The following CNTN3 variants were observed in gnomAD, a reference collection of about 807,000 sequenced individuals.
The protein encoded by CNTN3 is contactin 3.
CNTN3 carries 60 observed loss-of-function variants against 119.1 expected under a neutral mutation model. The observed-to-expected ratio is 0.50, with a 90% CI of 0.41 to 0.62. CNTN3 has a LOEUF of 0.62. CNTN3 is among the 20% of genes least tolerant of loss of function. The pLI is 0.00. For missense variants in CNTN3, 1,101 were observed against 1,242.4 expected, an observed-to-expected ratio of 0.89 and a Z score of 1.71; for synonymous variants, 450 against 438.7, an observed-to-expected ratio of 1.03 and a Z score of -0.32.
At position 74,301,596 on chromosome 3, in the gene CNTN3, C is replaced by G. The variant is rs181763014; in HGVS notation, c.1946-49G>C. On this transcript the variant is annotated intron_variant, in intron 15 of 22. Coordinates refer to ENST00000263665, the MANE Select transcript of CNTN3 (RefSeq NM_020872.3). Reference sequence around the variant, plus strand: ...AAGAGTCTGCCTGCTTTAGCATTGACTTGAAATCCATTTATATGTGTGCAG... The same window carrying G: ...AAGAGTCTGCCTGCTTTAGCATTGAGTTGAAATCCATTTATATGTGTGCAG... The G allele has an allele frequency of 2.5e-6, 4 of 1,612,016 alleles. No homozygotes were observed. In the South Asian group the frequency reaches 4.4e-5, roughly 18 times the overall value.
At chr3:74,500,006 A>G (rs1299936862) in intron 2 of CNTN3, among the ~76,000 whole-genome samples, 1 of 152,068 alleles carries the variant, frequency 6.6e-6, no homozygotes, top group East Asian at 1.9e-4. Context: ...TATGAAAAAT[A>G]TTGCCATATT....
intron 1 of CNTN3, among the ~76,000 whole-genome samples, chr3:74,524,943 G>A (rs567841881): frequency 9.2e-5 from 14 of 151,964 alleles, no homozygotes; most frequent in Non-Finnish European, 1.5e-4. Flanking sequence ...TGAAATACAC[G>A]TGGCAAAGCT....
chr3:74,453,540 T>C (rs1048810952), intron 4 of CNTN3, among the ~76,000 whole-genome samples: 2 of 152,122 alleles, frequency 1.3e-5, no homozygotes, highest in Non-Finnish European at 2.9e-5. Flanking sequence ...ATCTTAGTTA[T>C]TTCTTGCCTT....
intron 1 of CNTN3, among the ~76,000 whole-genome samples, chr3:74,586,458 C>A (rs113528707): frequency 6.6e-6 from 1 of 151,974 alleles, no homozygotes; most frequent in East Asian, 1.9e-4. Flanking sequence ...GAATATAATA[C>A]GCAATTTAAG....
chr3:74,520,526 C>T (rs1304849495), intron 2 of CNTN3, among the ~76,000 whole-genome samples: 1 of 151,202 alleles, frequency 6.6e-6, no homozygotes, highest in African/African-American at 2.4e-5. Context: ...GTAATAGTTG[C>T]TTTTGTATGT....
chr3:74,276,225 A>G (rs915046428), intron 20 of CNTN3, among the ~76,000 whole-genome samples: 5 of 152,176 alleles, frequency 3.3e-5, no homozygotes, highest in African/African-American at 1.2e-4. Context: ...AGCACTAGAC[A>G]GTCATCAAGA....
chr3:74,563,795 T>A (rs769000079), intron 1 of CNTN3, among the ~76,000 whole-genome samples: 3 of 152,110 alleles, frequency 2.0e-5, no homozygotes, highest in Admixed American at 1.3e-4. Context: ...ACACTTCGTT[T>A]TCATGACAGT....
intron 1 of CNTN3, among the ~76,000 whole-genome samples, chr3:74,608,486 G>C (rs1705028974): frequency 6.6e-6 from 1 of 152,108 alleles, no homozygotes; most frequent in African/African-American, 2.4e-5. Context: ...ACTAAAATCA[G>C]CTCATTACTT....
chr3:74,522,241 T>C (rs1703553747), intron 1 of CNTN3, among the ~76,000 whole-genome samples: 1 of 151,944 alleles, frequency 6.6e-6, no homozygotes, highest in Admixed American at 6.6e-5. Context: ...TATTCTTAGG[T>C]GCCTGCAATC....
rs188095901 is a variant in CNTN3, at chr3:74,489,759, T to C, written c.183-3128A>G. Among the ~76,000 whole-genome samples the C allele has an allele frequency of 3.3e-3, 494 of 151,918 alleles. 18 individuals are homozygous for C. Among genetic ancestry groups the C allele is most frequent in the Admixed American group, 0.03 (458 of 15,230 alleles). On this transcript the variant is annotated intron_variant, in intron 3 of 22. Transcript: ENST00000263665. ...TCACCTGACACCCACTGCATGACCA[T>C]GGAAAATTACCTAACACCCCTGAAC...
At chr3:74,334,159 A>C (rs956221786) in intron 13 of CNTN3, among the ~76,000 whole-genome samples, 5 of 152,198 alleles carry the variant, frequency 3.3e-5, no homozygotes, top group African/African-American at 4.8e-5. Flanking sequence ...AAACATTAGA[A>C]AGCATTTGTG....
chr3:74,367,829 A>G (rs1704236064), intron 8 of CNTN3, among the ~76,000 whole-genome samples: 1 of 152,072 alleles, frequency 6.6e-6, no homozygotes, highest in East Asian at 1.9e-4. Flanking sequence ...CTAAAACATT[A>G]ATACAGTTGG....
chr3:74,588,602 C>T lies in CNTN3; in HGVS notation c.-81+25789G>A, dbSNP rs181605912. ...ACTTTCTTCACAGAATTGGAAAAAACTACTTTAACGTTCCTATGGAACCAA... is the reference window on the plus strand; with the variant it reads ...ACTTTCTTCACAGAATTGGAAAAAATTACTTTAACGTTCCTATGGAACCAA... On this transcript the variant is annotated intron_variant, in intron 1 of 22. Coordinates refer to ENST00000263665, the MANE Select transcript of CNTN3 (RefSeq NM_020872.3). Among the ~76,000 whole-genome samples, 942 of 152,140 alleles carry T rather than the reference C, an allele frequency of 6.2e-3. 18 individuals are homozygous for T. The South Asian group carries it at 0.069, about 11-fold the overall frequency.
intron 10 of CNTN3, among the ~76,000 whole-genome samples, chr3:74,363,672 T>C (rs1398731487): frequency 6.6e-6 from 1 of 152,156 alleles, no homozygotes; most frequent in East Asian, 1.9e-4. Flanking sequence ...TTTCTTCCAC[T>C]GGAATGACTG....
At chr3:74,315,028 G>A (rs577851799) in intron 13 of CNTN3, among the ~76,000 whole-genome samples, 1 of 152,300 alleles carries the variant, frequency 6.6e-6, no homozygotes, top group South Asian at 2.1e-4. Context: ...GAAGCCAGCT[G>A]AAACCTATCA....
intron 8 of CNTN3, among the ~76,000 whole-genome samples, chr3:74,368,554 G>C (rs905624167): frequency 4.0e-5 from 6 of 151,718 alleles, no homozygotes; most frequent in African/African-American, 1.4e-4. Flanking sequence ...TAAAATAAGA[G>C]GTTTGAAAAA....
At chr3:74,373,664 A>T (rs1450866004) in intron 5 of CNTN3, among the ~76,000 whole-genome samples, 1 of 152,226 alleles carries the variant, frequency 6.6e-6, no homozygotes, top group Non-Finnish European at 1.5e-5. Flanking sequence ...CACAAATATA[A>T]TTCTGATTGA....
chr3:74,471,837 T>G (rs1159427446), intron 4 of CNTN3, among the ~76,000 whole-genome samples: 2 of 152,230 alleles, frequency 1.3e-5, no homozygotes, highest in African/African-American at 4.8e-5. Flanking sequence ...TGTCCCAGTT[T>G]GTATGTATTT....
At chr3:74,326,799 T>A (rs1278359341) in intron 13 of CNTN3, among the ~76,000 whole-genome samples, 1 of 152,168 alleles carries the variant, frequency 6.6e-6, no homozygotes, top group Non-Finnish European at 1.5e-5. Flanking sequence ...TCACCTTTTA[T>A]TTGTTTCATA....
Sources: gnomAD v4.1 joint callset for allele counts (sites outside exome capture counted in the v4.1 genomes callset) on GRCh38, gnomAD v4.1.1 for gene constraint, MANE v1.5 for transcripts, NCBI Gene and HGNC (gene_info 2026-07-23, HGNC 2026-07-21) for gene names.